Variants in TAOK3 observed in about 807,000 individuals in gnomAD.
The protein encoded by TAOK3 is serine/threonine-protein kinase TAO3.
A neutral mutation model predicts 120.4 loss-of-function variants in TAOK3; 40 were observed. The observed-to-expected ratio is 0.33, with a 90% CI of 0.26 to 0.43. TAOK3 has a LOEUF of 0.43. Among genes scored for constraint, TAOK3 ranks in the 20% least tolerant of loss-of-function variants. The pLI, the probability that TAOK3 is intolerant of heterozygous loss-of-function variation, is 1.00. For synonymous variants in TAOK3, 355 were observed against 387.5 expected (o/e 0.92, Z 0.99); for missense variants, 821 against 1,112.1 (o/e 0.74, Z 3.72).
At chr12:118,157,737 C>A (rs761410691) in intron 19 of TAOK3, among the ~76,000 whole-genome samples, 1 of 152,374 alleles carries the variant, frequency 6.6e-6, no homozygotes, top group East Asian at 1.9e-4. Flanking sequence ...TTATCCACCA[C>A]TGTATCTCCA....
At chr12:118,324,560 C>T (rs2043850934) in intron 1 of TAOK3, among the ~76,000 whole-genome samples, 2 of 151,710 alleles carry the variant, frequency 1.3e-5, no homozygotes, top group South Asian at 4.2e-4. Flanking sequence ...CTATCCTTTC[C>T]AGCCTCTGGT....
intron 1 of TAOK3, among the ~76,000 whole-genome samples, chr12:118,360,799 T>C (rs2045573028): frequency 2.6e-5 from 4 of 152,182 alleles, no homozygotes; most frequent in Non-Finnish European, 5.9e-5. Context: ...AACTCATTTG[T>C]AGTTAGTGTA....
intron 4 of TAOK3, among the ~76,000 whole-genome samples, 200 bp from the exon 5 acceptor site, chr12:118,243,716 G>A (rs1016847519): frequency 1.3e-5 from 2 of 151,758 alleles, no homozygotes; most frequent in South Asian, 2.1e-4. Context: ...TTGCTCTATC[G>A]CCCAGGCTGG....
At chr12:118,162,782 T>TTTTC (rs958733726) in intron 17 of TAOK3, among the ~76,000 whole-genome samples, 3 of 152,064 alleles carry the variant, frequency 2.0e-5, no homozygotes, top group African/African-American at 2.4e-5. Context: ...TCTTTCTTCC[T>TTTTC]TTTCTTTCTT....
At chr12:118,171,856 T>C (rs1453125061) in intron 17 of TAOK3, among the ~76,000 whole-genome samples, 1 of 152,240 alleles carries the variant, frequency 6.6e-6, no homozygotes, top group African/African-American at 2.4e-5. Flanking sequence ...TTTTCATCAA[T>C]AGCAGAGTCA....
At chr12:118,242,519 A>G (rs775710652) in intron 5 of TAOK3, among the ~76,000 whole-genome samples, 4 of 152,228 alleles carry the variant, frequency 2.6e-5, no homozygotes, top group Admixed American at 6.5e-5. Context: ...TTCACATCCT[A>G]AATGTGCCTA....
intron 1 of TAOK3, among the ~76,000 whole-genome samples, chr12:118,342,727 A>G (rs963907563): frequency 7.2e-5 from 11 of 152,170 alleles, no homozygotes; most frequent in African/African-American, 2.2e-4. Flanking sequence ...TGAGCTCAGG[A>G]GTTCGAGACC....
intron 1 of TAOK3, among the ~76,000 whole-genome samples, chr12:118,289,883 T>C (rs1314646001): frequency 1.7e-4 from 25 of 151,332 alleles, no homozygotes; most frequent in Admixed American, 1.6e-3. Context: ...TAATCCCAGC[T>C]CCTTGGGAGG....
chr12:118,274,802 T>C (rs1374776667), intron 1 of TAOK3, among the ~76,000 whole-genome samples: 3 of 152,034 alleles, frequency 2.0e-5, no homozygotes, highest in Non-Finnish European at 4.4e-5. Flanking sequence ...TTAATTTTTT[T>C]TTTTTTTTTT....
intron 14 of TAOK3, among the ~76,000 whole-genome samples, chr12:118,185,339 G>C (rs1305700737): frequency 1.3e-5 from 2 of 152,124 alleles, no homozygotes; most frequent in African/African-American, 4.8e-5. Flanking sequence ...TTCATCTGAA[G>C]TGCAGAGTGT....
intron 1 of TAOK3, among the ~76,000 whole-genome samples, chr12:118,320,248 A>C (rs1198227178): frequency 2.6e-5 from 4 of 152,158 alleles, no homozygotes; most frequent in Non-Finnish European, 5.9e-5. Flanking sequence ...ATGATGAAAA[A>C]GTTCTGGAAA....
intron 1 of TAOK3, among the ~76,000 whole-genome samples, chr12:118,364,898 C>A (rs989294141): frequency 6.6e-6 from 1 of 152,194 alleles, no homozygotes; most frequent in Admixed American, 6.5e-5. Flanking sequence ...GAGCAAAACT[C>A]TATTTCAAAA....
At chr12:118,198,989 C>T in intron 13 of TAOK3, 62 bp downstream of exon 13, 1 of 1,582,854 alleles carries the variant, frequency 6.3e-7, no homozygotes, top group South Asian at 1.1e-5. Flanking sequence ...AGCTAAGTGA[C>T]TTGAACTGGA....
intron 5 of TAOK3, 125 bp downstream of exon 5, chr12:118,243,290 A>C (rs1457605460): frequency 5.0e-6 from 3 of 597,196 alleles, no homozygotes; most frequent in Non-Finnish European, 8.6e-6. Context: ...AATGTTAAAT[A>C]CTGATAACAA....
At chr12:118,330,719 A>G (rs1281286358) in intron 1 of TAOK3, among the ~76,000 whole-genome samples, 2 of 151,912 alleles carry the variant, frequency 1.3e-5, no homozygotes, top group Non-Finnish European at 2.9e-5. Flanking sequence ...GGTAAAGAGG[A>G]AAGGGAAAAG....
Position 118,243,532 on chromosome 12 carries a change from A to G in TAOK3, c.193-16T>C. ...CTTGCCATTTCTATTGAAGTCAGAA[A>G]AGGAACATTTTAATTTAATTTTTGA... is the stretch of plus-strand genomic sequence containing the variant. On this transcript the variant is annotated splice_polypyrimidine_tract_variant and intron_variant, in intron 4 of 20. Coordinates refer to ENST00000392533, the MANE Select transcript of TAOK3 (RefSeq NM_016281.4). 1 of 1,164,288 alleles carries G rather than the reference A, an allele frequency of 8.6e-7. No homozygotes were observed. The allele number at this position is 1,164,288 out of a possible 1,614,324, so 72.1% of individuals were successfully genotyped here.
chr12:118,358,552 T>A (rs1046799606), intron 1 of TAOK3, among the ~76,000 whole-genome samples: 13 of 152,226 alleles, frequency 8.5e-5, no homozygotes, highest in Non-Finnish European at 1.3e-4. Flanking sequence ...TAGCATAAAC[T>A]GTATCCATTT....
At chr12:118,360,849 A>G (rs2045574705) in intron 1 of TAOK3, among the ~76,000 whole-genome samples, 1 of 152,172 alleles carries the variant, frequency 6.6e-6, no homozygotes, top group South Asian at 2.1e-4. Flanking sequence ...ACCAATTTAA[A>G]CCTAAACAGA....
Position 118,172,628 on chromosome 12 carries a change from T to C in TAOK3, c.1728A>G (p.Lys576=). ...EMNEDHSTPK[K]EKQERISKHK... is the part of the protein sequence containing the mutation. Reference sequence around the variant, plus strand: ...GTTTGGAGATCCGCTCTTGCTTCTCTTTCTTGGGTGTGCTATGGTCCTCAT... The same window carrying C: ...GTTTGGAGATCCGCTCTTGCTTCTCCTTCTTGGGTGTGCTATGGTCCTCAT... The change falls in exon 17 of 21, where the codon AAA becomes AAG. Residue 576 remains lysine (K), a synonymous_variant. Transcript: ENST00000392533. 1.2e-6 allele frequency: 2 copies of C among 1,614,224 alleles called. No homozygotes were observed. Among genetic ancestry groups the C allele is most frequent in the South Asian group, 2.2e-5 (2 of 91,088 alleles).
Sources: allele counts gnomAD v4.1 joint callset (sites outside exome capture counted in the v4.1 genomes callset), GRCh38; gene constraint gnomAD v4.1.1; transcripts MANE v1.5; gene names NCBI Gene and HGNC (gene_info 2026-07-23, HGNC 2026-07-21).